Variants in CEP170B observed in about 807,000 individuals in gnomAD.
CEP170B encodes centrosomal protein 170B, also known as centrosomal protein of 170 kDa protein B.
CEP170B carries 55 observed loss-of-function variants against 120.6 expected under a neutral mutation model. The observed-to-expected ratio is 0.46, with a 90% confidence interval of 0.37 to 0.57. CEP170B has a LOEUF of 0.57. Among genes scored for constraint, CEP170B ranks in the 20% least tolerant of loss-of-function variants. The pLI is 0.00. For synonymous variants in CEP170B, 1,033 were observed against 954.5 expected, an observed-to-expected ratio of 1.08 and a Z score of -1.52; for missense variants, 2,212 against 2,253.3, an observed-to-expected ratio of 0.98 and a Z score of 0.37.
At position 104,893,507 on chromosome 14, in the gene CEP170B, GCCCT is replaced by G; in HGVS notation, c.4039-10_4039-7del. Reference sequence around the variant, plus strand: ...CCTCTGCCTGGGGCCCACGGTGCCGGCCCTCCCTCTTGCAGCTGGTGCAGCGCAT... The same window carrying G: ...CCTCTGCCTGGGGCCCACGGTGCCGGCCCTCTTGCAGCTGGTGCAGCGCAT... On this transcript the variant is annotated splice_polypyrimidine_tract_variant and intron_variant, in intron 14 of 18. Transcript: ENST00000414716. The G allele has an allele frequency of 6.3e-7, 1 of 1,597,656 alleles. No individual in the cohort carries two copies. Among genetic ancestry groups the G allele is most frequent in the Non-Finnish European group, 8.5e-7 (1 of 1,173,942 alleles).
rs1055576599 is a variant in CEP170B, at chr14:104,883,378, G to A, written c.921G>A (p.Met307Ile). 1 of 1,604,906 alleles carries A rather than the reference G, an allele frequency of 6.2e-7. No homozygotes were observed. The highest frequency in any genetic ancestry group is 8.5e-7 in the Non-Finnish European group (1 of 1,176,942). The change falls in exon 8 of 19, where the codon ATG becomes ATA. Residue 307 changes from methionine (M) to isoleucine (I), a missense_variant. Met to Ile is a conservative substitution (Grantham distance 10). Coordinates refer to ENST00000414716, the MANE Select transcript of CEP170B (RefSeq NM_001112726.3). Reference sequence around the variant, plus strand: ...GCAAGGAGGCCACACCTGGCGAGATGGTGTCGGCTGAGACCAAGGTGGCCG... The same window carrying A: ...GCAAGGAGGCCACACCTGGCGAGATAGTGTCGGCTGAGACCAAGGTGGCCG... ...PPGKEATPGE[M>I]VSAETKVADW...
upstream of CEP170B, among the ~76,000 whole-genome samples, chr14:104,864,631 C>G (rs1895090382): frequency 6.6e-6 from 1 of 151,732 alleles, no homozygotes; most frequent in Admixed American, 6.5e-5. This position sits in a 1 kb window ranked among gnomAD's most constrained non-coding sequence, Gnocchi z 5.9. Flanking sequence ...CTGTGGGCGT[C>G]CAGGTAAGAC....
At chr14:104,876,148 C>A in intron 2 of CEP170B, 108 bp from the exon 3 acceptor site, 2 of 1,008,100 alleles carry the variant, frequency 2.0e-6, no homozygotes, top group Non-Finnish European at 3.0e-6. Context: ...GGCCTGGGGG[C>A]CACTGCTGGT....
intron 2 of CEP170B, among the ~76,000 whole-genome samples, chr14:104,873,117 C>T (rs1895661733): frequency 6.6e-6 from 1 of 152,226 alleles, no homozygotes; most frequent in African/African-American, 2.4e-5. Context: ...CCCCATGTGT[C>T]TCCAGCGCTT....
chr14:104,887,992 C>A lies in CEP170B; in HGVS notation c.3739+14C>A. ...GATACACCTCCAGTGAGTGCCAGGG[C>A]GGGTGGGAGGCCAGGGCCAAGACAG... On this transcript the variant is annotated intron_variant, in intron 12 of 18. Coordinates refer to ENST00000414716, the MANE Select transcript of CEP170B (RefSeq NM_001112726.3). 6.8e-7 allele frequency: 1 copy of A among 1,471,264 alleles called. No individual in the cohort carries two copies. The highest frequency in any genetic ancestry group is 2.3e-5 in the Admixed American group (1 of 44,152). 91.1% of individuals were successfully genotyped at this position (1,471,264 alleles called of 1,614,324 possible). A position where few individuals can be genotyped will look rare whatever the true frequency, so the allele number is the denominator to read the frequency against.
Position 104,887,673 on chromosome 14 carries a change from G to T in CEP170B, c.3434G>T (p.Gly1145Val), listed in dbSNP as rs1896598750. ...SDTEAADGER[G>V]SLGNPEPVGR... ...ACTGAGGCTGCGGATGGTGAGCGGG[G>T]GTCCCTGGGCAACCCTGAGCCCGTG... is the stretch of plus-strand genomic sequence containing the variant. The change falls in exon 12 of 19, where the codon GGG becomes GTG. Residue 1145 changes from glycine (G) to valine (V), a missense_variant. Gly to Val is a moderately radical substitution (Grantham distance 109). Around this residue, in one of 2 missense-constraint regions of CEP170B, gnomAD observed 2,166 missense variants for 2,166.7 expected, o/e 1.00. Coordinates refer to ENST00000414716, the MANE Select transcript of CEP170B (RefSeq NM_001112726.3). The T allele has an allele frequency of 6.4e-7, 1 of 1,574,232 alleles. No individual in the cohort carries two copies. Among genetic ancestry groups the T allele is most frequent in the South Asian group, 1.2e-5 (1 of 86,372 alleles).
In CEP170B at chr14:104,893,805, G is replaced by C. The variant is rs780628198; in HGVS notation, c.4227G>C (p.Ser1409=). 1 of 1,612,426 alleles carries C rather than the reference G, an allele frequency of 6.2e-7. No individual in the cohort carries two copies. Among genetic ancestry groups the C allele is most frequent in the Non-Finnish European group, 8.5e-7 (1 of 1,179,640 alleles). The change falls in exon 16 of 19, where the codon TCG becomes TCC. Residue 1409 remains serine (S), a synonymous_variant. Coordinates refer to ENST00000414716, the MANE Select transcript of CEP170B (RefSeq NM_001112726.3). The part of the protein sequence containing the change: ...NLMLNPVSQL[S]QAIRENTEHL... Reference sequence around the variant, plus strand: ...TGCTGAACCCGGTGTCCCAGCTGTCGCAGGCCATCCGTGAGAACACAGAGC... The same window carrying C: ...TGCTGAACCCGGTGTCCCAGCTGTCCCAGGCCATCCGTGAGAACACAGAGC...
Position 104,896,649 on chromosome 14 carries a change from C to G in CEP170B, c.*1691C>G, listed in dbSNP as rs745869117. On this transcript the variant is annotated 3_prime_UTR_variant, in exon 19 of 19. Transcript: ENST00000414716. ...CTTCTCGGAGGGTTCACTGTACATT[C>G]GTTCTCAGGTGGTCTTGTGGCTGTC... is the stretch of plus-strand genomic sequence containing the variant. 1 of 456,208 alleles carries G rather than the reference C, an allele frequency of 2.2e-6. No homozygotes were observed. Among genetic ancestry groups the G allele is most frequent in the South Asian group, 1.5e-5 (1 of 64,550 alleles). The allele number at this position is 456,208 out of a possible 1,614,324, so 28.3% of individuals were successfully genotyped here.
Position 104,895,000 on chromosome 14 carries a change from CTCTGCCT to C in CEP170B, c.*45_*51del. 1 of 1,473,158 alleles carries C rather than the reference CTCTGCCT, an allele frequency of 6.8e-7. No homozygotes were observed. Among genetic ancestry groups the C allele is most frequent in the Non-Finnish European group, 9.0e-7 (1 of 1,106,268 alleles). The allele number at this position is 1,473,158 out of a possible 1,614,324, so 91.3% of individuals were successfully genotyped here. On this transcript the variant is annotated 3_prime_UTR_variant, in exon 19 of 19. Transcript: ENST00000414716. ...GGCCAGCCTCCCTGTGCGTGTGCGT[CTCTGCCT>C]TCCGTCCGCCGCACACCCGCCTGCC...
At chr14:104,869,101 C>T (rs1265687809) in intron 2 of CEP170B, among the ~76,000 whole-genome samples, 1 of 152,192 alleles carries the variant, frequency 6.6e-6, no homozygotes, top group African/African-American at 2.4e-5. Context: ...CACTGACAAT[C>T]GGAAGTTTCT....
intron 5 of CEP170B, 141 bp from the exon 6 acceptor site, chr14:104,880,146 C>T (rs1896070630): frequency 3.3e-6 from 4 of 1,216,720 alleles, no homozygotes; most frequent in Non-Finnish European, 3.4e-6. Flanking sequence ...TCTGTCTGCT[C>T]TTTTGGGGAG....
At chr14:104,892,869 T>C in intron 13 of CEP170B, 107 bp from the exon 14 acceptor site, 1 of 1,297,438 alleles carries the variant, frequency 7.7e-7, no homozygotes, top group Non-Finnish European at 1.1e-6. Context: ...AGGCCCCACC[T>C]CTGGCCAGCA....
At chr14:104,894,187 G>T in intron 16 of CEP170B, 98 bp from the exon 17 acceptor site, 1 of 988,936 alleles carries the variant, frequency 1.0e-6, no homozygotes, top group South Asian at 1.4e-5. Context: ...GGGCTGGGAT[G>T]AACTTCACCA....
chr14:104,884,320 C>A lies in CEP170B; in HGVS notation c.1541C>A (p.Ala514Asp). 6.5e-7 allele frequency: 1 copy of A among 1,543,042 alleles called. No homozygotes were observed. Among genetic ancestry groups the A allele is most frequent in the Non-Finnish European group, 8.7e-7 (1 of 1,144,558 alleles). Reference protein sequence around the residue: ...MAQCLRESSPAARPSPEKVPP... With the variant: ...MAQCLRESSPDARPSPEKVPP... ...CAGTGTCTGCGGGAGAGCTCCCCGG[C>A]CGCCCGGCCCAGCCCCGAGAAGGTT... The change falls in exon 9 of 19, where the codon GCC (alanine) becomes GAC (aspartate). Residue 514 changes from alanine (A) to aspartate (D), a missense_variant. Ala to Asp is a moderately radical substitution (Grantham distance 126). Around this residue, in one of 2 missense-constraint regions of CEP170B, gnomAD observed 2,166 missense variants for 2,166.7 expected, o/e 1.00. Transcript: ENST00000414716.
At chr14:104,876,796 G>A (rs1161697296) in intron 3 of CEP170B, among the ~76,000 whole-genome samples, 2 of 152,218 alleles carry the variant, frequency 1.3e-5, no homozygotes, top group Non-Finnish European at 2.9e-5. Flanking sequence ...GCTATGCTTG[G>A]GTACCCAGTC....
At position 104,887,198 on chromosome 14, in the gene CEP170B, C is replaced by T. The variant is rs746673476; in HGVS notation, c.2959C>T (p.Pro987Ser). Reference sequence around the variant, plus strand: ...TCTGCGGGCACAGAAGGAGATGTCGCCATCCCCGCCAGCTGCACAGGACCC... The same window carrying T: ...TCTGCGGGCACAGAAGGAGATGTCGTCATCCCCGCCAGCTGCACAGGACCC... The part of the protein sequence containing the change: ...QPLRAQKEMS[P>S]SPPAAQDPGG... Residue 987 changes from proline (P) to serine (S), a missense_variant, in exon 12 of 19, where the codon CCA becomes TCA. Physicochemically the swap from Pro to Ser is moderately conservative, Grantham distance 74. Coordinates refer to ENST00000414716, the MANE Select transcript of CEP170B (RefSeq NM_001112726.3). 6.2e-7 allele frequency: 1 copy of T among 1,606,074 alleles called. No individual in the cohort carries two copies. The highest frequency in any genetic ancestry group is 8.5e-7 in the Non-Finnish European group (1 of 1,179,694).
chr14:104,869,627 A>G (rs1471908567), intron 2 of CEP170B, among the ~76,000 whole-genome samples: 1 of 152,182 alleles, frequency 6.6e-6, no homozygotes, highest in Non-Finnish European at 1.5e-5. Context: ...GGTAGCTTCA[A>G]GAGATGGGGC....
rs1566862257 is a variant in CEP170B, at chr14:104,883,554, G to GA, written c.1051+47dup. 4.7e-6 allele frequency: 7 copies of GA among 1,491,182 alleles called. No individual in the cohort carries two copies. The South Asian group carries it at 7.9e-5, about 17-fold the overall frequency. 92.4% of individuals were successfully genotyped at this position (1,491,182 alleles called of 1,614,324 possible). On this transcript the variant is annotated intron_variant, in intron 8 of 18. Transcript: ENST00000414716. ...CGTGCCAGTCCCGGGACAGGCAGGG[G>GA]ACCGGACTTTGGCTGGGTCTGCACT...
intron 6 of CEP170B, 60 bp downstream of exon 6, chr14:104,880,485 C>A (rs75094851): frequency 2.5e-6 from 4 of 1,580,148 alleles, no homozygotes; most frequent in Non-Finnish European, 3.4e-6. Context: ...CCCTCTGCCC[C>A]GCACCTGCCT....
Sources: allele counts gnomAD v4.1 joint callset (sites outside exome capture counted in the v4.1 genomes callset), GRCh38; gene constraint gnomAD v4.1.1; regional missense constraint gnomAD v4.1.1; non-coding constraint Gnocchi (gnomAD v3.1); transcripts MANE v1.5; gene names NCBI Gene and HGNC (gene_info 2026-07-23, HGNC 2026-07-21).